SORL1: variants seen among roughly 807,000 people sequenced by gnomAD.
SORL1 encodes sortilin-related receptor.
A neutral mutation model predicts 273.7 loss-of-function variants in SORL1; 127 were observed. The observed-to-expected ratio is 0.46, with a 90% CI of 0.40 to 0.54. The LOEUF (loss-of-function observed/expected upper bound fraction) is 0.54. Among genes scored for constraint, SORL1 ranks in the 20% least tolerant of loss-of-function variants. The pLI is 0.00. For synonymous variants in SORL1, 1,031 were observed against 1,067.4 expected (o/e 0.97, Z 0.66); for missense variants, 2,494 against 2,846.1 (o/e 0.88, Z 2.81).
chr11:121,607,800 G>A (rs1863501174), intron 37 of SORL1, among the ~76,000 whole-genome samples: 1 of 152,130 alleles, frequency 6.6e-6, no homozygotes, highest in Admixed American at 6.5e-5. Flanking sequence ...TTTTGTATAT[G>A]TGTGTATTTA....
At chr11:121,543,924 C>G (rs1862385405) in intron 13 of SORL1, among the ~76,000 whole-genome samples, 198 bp downstream of exon 13, 1 of 152,134 alleles carries the variant, frequency 6.6e-6, no homozygotes, top group Non-Finnish European at 1.5e-5. Context: ...GGGTGCTATT[C>G]TTTGTATCTT....
In SORL1 at chr11:121,545,293, C is replaced by T. The variant is rs778252688; in HGVS notation, c.1915C>T (p.Arg639Trp). 2.2e-5 allele frequency: 35 copies of T among 1,613,990 alleles called. No individual in the cohort carries two copies. The highest frequency in any genetic ancestry group is 1.3e-4 in the South Asian group (12 of 91,078). ...DYKLWSPSDERGNECLLGHKT... is the reference protein window; with the variant it reads ...DYKLWSPSDEWGNECLLGHKT... ...CAAGCTGTGGTCACCATCTGATGAG[C>T]GGGGGAATGAGTGTTTGCTGGGACA... The change falls in exon 14 of 48, where the codon CGG becomes TGG. Residue 639 changes from arginine to tryptophan, a missense_variant. Around this residue, in one of 3 missense-constraint regions of SORL1, gnomAD observed 710 missense variants for 882.5 expected, o/e 0.80. Transcript: ENST00000260197.
At chr11:121,612,195 T>C (rs1294565807) in intron 39 of SORL1, 1 of 152,660 alleles carries the variant, frequency 6.6e-6, no homozygotes, top group Non-Finnish European at 1.5e-5. Flanking sequence ...ATGCTTCTTG[T>C]CTTGTAGTCT....
chr11:121,570,602 G>T (rs1221589709), intron 23 of SORL1, among the ~76,000 whole-genome samples: 9 of 152,146 alleles, frequency 5.9e-5, no homozygotes, highest in Non-Finnish European at 1.3e-4. Flanking sequence ...TAATAAAGCT[G>T]GTGACTTGGG....
intron 8 of SORL1, among the ~76,000 whole-genome samples, chr11:121,515,076 G>A (rs190789972): frequency 6.6e-6 from 1 of 152,322 alleles, no homozygotes; most frequent in East Asian, 1.9e-4. Flanking sequence ...ATGACAACCA[G>A]GTCTGAGGGC....
chr11:121,469,502 C>T (rs535286748), intron 1 of SORL1, among the ~76,000 whole-genome samples: 2 of 152,218 alleles, frequency 1.3e-5, no homozygotes, highest in Non-Finnish European at 2.9e-5. Flanking sequence ...AAAAGCTTCA[C>T]AATGATACTT....
At chr11:121,621,362 A>G (rs2134948669) in intron 44 of SORL1, 124 bp downstream of exon 44, 3 of 847,738 alleles carry the variant, frequency 3.5e-6, no homozygotes, top group Non-Finnish European at 3.6e-6. Context: ...GCTGCCCTTC[A>G]ATATTCCTAC....
At chr11:121,533,760 A>G (rs1862233087) in intron 12 of SORL1, among the ~76,000 whole-genome samples, 1 of 152,164 alleles carries the variant, frequency 6.6e-6, no homozygotes, top group African/African-American at 2.4e-5. Flanking sequence ...TTAATTTGAC[A>G]TGTGCTGAGC....
chr11:121,611,104 C>G lies in SORL1; in HGVS notation c.5268C>G (p.Asp1756Glu). ...TCCCACCACCAGATATCCACATTGA[C>G]AGCTATGGTGAAAATTATCTAAGCT... is the stretch of plus-strand genomic sequence containing the variant. ...KVIPPPDIHI[D>E]SYGENYLSFT... The change falls in exon 39 of 48, where the codon GAC becomes GAG. Residue 1756 changes from aspartate (D) to glutamate (E), a missense_variant. Physicochemically the swap from Asp to Glu is conservative, Grantham distance 45. Around this residue, in one of 3 missense-constraint regions of SORL1, gnomAD observed 1,609 missense variants for 1,816.4 expected, o/e 0.89. Transcript: ENST00000260197. 1 of 1,613,578 alleles carries G rather than the reference C, an allele frequency of 6.2e-7. No individual in the cohort carries two copies. The highest frequency in any genetic ancestry group is 8.5e-7 in the Non-Finnish European group (1 of 1,179,502).
chr11:121,478,032 C>CAAA (rs55896588), intron 2 of SORL1, 86 bp from the exon 3 acceptor site: 90 of 1,048,248 alleles, frequency 8.6e-5, no homozygotes, highest in Middle Eastern at 3.1e-4. Flanking sequence ...AACTCAGTCT[C>CAAA]AAAAAAAAAA....
intron 23 of SORL1, 121 bp downstream of exon 23, chr11:121,570,391 A>T (rs1471769088): frequency 4.8e-6 from 3 of 627,610 alleles, no homozygotes; most frequent in Non-Finnish European, 8.7e-6. Context: ...TGCCCATCTA[A>T]GTTGATGGGG....
At position 121,570,271 on chromosome 11, in the gene SORL1, G is replaced by A. The variant is rs200504189; in HGVS notation, c.3337+1G>A. 38 of 1,606,094 alleles carry A rather than the reference G, an allele frequency of 2.4e-5. No homozygotes were observed. Among genetic ancestry groups the A allele is most frequent in the East Asian group, 4.5e-5 (2 of 44,850 alleles). ...GACATGAGCGATGAGAGAAACTGCC[G>A]TGAGTCTTCTGGATTGGACGTTAAG... On this transcript the variant is annotated splice_donor_variant, in intron 23 of 47. Transcript: ENST00000260197. LOFTEE classifies it high-confidence loss of function.
Position 121,621,142 on chromosome 11 carries a change from G to A in SORL1, c.5968G>A (p.Glu1990Lys). 6.2e-7 allele frequency: 1 copy of A among 1,614,040 alleles called. No individual in the cohort carries two copies. Among genetic ancestry groups the A allele is most frequent in the East Asian group, 2.2e-5 (1 of 44,888 alleles). Residue 1990 changes from glutamate (E) to lysine (K), a missense_variant, in exon 44 of 48, where the codon GAA (glutamate) becomes AAA (lysine). By Grantham distance (56) the Glu-to-Lys change is moderately conservative (BLOSUM62 1). Around this residue, in one of 3 missense-constraint regions of SORL1, gnomAD observed 1,609 missense variants for 1,816.4 expected, o/e 0.89. Coordinates refer to ENST00000260197, the MANE Select transcript of SORL1 (RefSeq NM_003105.6). ...YKVKSRNSTV[E>K]YTLNKLEPGG... ...AGTAAAATCCCGTAACAGCACTGTG[G>A]AATACACCCTTAACAAGTTGGAGCC...
chr11:121,566,378 A>AT (rs545435888), intron 21 of SORL1, among the ~76,000 whole-genome samples: 77 of 151,932 alleles, frequency 5.1e-4, no homozygotes, highest in Non-Finnish European at 7.2e-4. Context: ...AAAAAAAAAA[A>AT]TTTTTTTTAA....
At chr11:121,606,765 C>T (rs754175795) in intron 35 of SORL1, 80 bp from the exon 36 acceptor site, 22 of 661,956 alleles carry the variant, frequency 3.3e-5, no homozygotes, top group Non-Finnish European at 4.6e-5. Flanking sequence ...TCGTTCTTGT[C>T]CTTGTTCTAA....
chr11:121,537,657 C>T (rs1862285713), intron 12 of SORL1, among the ~76,000 whole-genome samples: 2 of 152,182 alleles, frequency 1.3e-5, no homozygotes, highest in South Asian at 4.1e-4. Flanking sequence ...GATAGACAAT[C>T]TTTTGTTCTA....
Position 121,490,065 on chromosome 11 carries a change from G to C in SORL1, c.713G>C (p.Gly238Ala). The C allele has an allele frequency of 6.2e-7, 1 of 1,613,998 alleles. No homozygotes were observed. The highest frequency in any genetic ancestry group is 1.1e-5 in the South Asian group (1 of 91,080). The change falls in exon 5 of 48, where the codon GGC becomes GCC. Residue 238 changes from glycine (G) to alanine (A), a missense_variant. Transcript: ENST00000260197. ...CAGCTGTGGAAGTCAGATGACTTTGGCCAGACCTGGATCATGATTCAGGAA... is the reference window on the plus strand; with the variant it reads ...CAGCTGTGGAAGTCAGATGACTTTGCCCAGACCTGGATCATGATTCAGGAA... Reference protein sequence around the residue: ...NKQLWKSDDFGQTWIMIQEHV... With the variant: ...NKQLWKSDDFAQTWIMIQEHV...
chr11:121,472,318 C>T (rs1390261482), intron 2 of SORL1, among the ~76,000 whole-genome samples: 2 of 152,156 alleles, frequency 1.3e-5, no homozygotes, highest in African/African-American at 4.8e-5. Flanking sequence ...TTTAAAAAAA[C>T]TCTTAATCCA....
At chr11:121,619,547 G>A (rs988444503) in intron 42 of SORL1, among the ~76,000 whole-genome samples, 2 of 152,186 alleles carry the variant, frequency 1.3e-5, no homozygotes, top group South Asian at 4.1e-4. Flanking sequence ...ATGCATAGGG[G>A]ATTTCTGGAA....
Sources: gnomAD v4.1 joint callset for allele counts (sites outside exome capture counted in the v4.1 genomes callset) on GRCh38, gnomAD v4.1.1 for gene constraint, gnomAD v4.1.1 regional missense constraint, MANE v1.5 for transcripts, NCBI Gene and HGNC (gene_info 2026-07-23, HGNC 2026-07-21) for gene names.